KAT2A: variants seen among roughly 807,000 people sequenced by gnomAD.
KAT2A encodes the protein histone acetyltransferase KAT2A.
A neutral mutation model predicts 95.2 loss-of-function variants in KAT2A; 42 were observed. That is an observed-to-expected ratio of 0.44 (90% CI 0.34 to 0.57). The LOEUF is 0.57. Among genes scored for constraint, KAT2A ranks in the 20% least tolerant of loss-of-function variants. The pLI, the probability that KAT2A is intolerant of heterozygous loss-of-function variation, is 0.01. For synonymous variants in KAT2A, 449 were observed against 448.2 expected, an observed-to-expected ratio of 1.00 and a Z score of -0.02; for missense variants, 784 against 1,126.3, an observed-to-expected ratio of 0.70 and a Z score of 4.35.
rs1444001767 is a variant in KAT2A, at chr17:42,114,312, C to T, written c.2172-30G>A. 7 of 1,613,650 alleles carry T rather than the reference C, an allele frequency of 4.3e-6. No homozygotes were observed. Among genetic ancestry groups the T allele is most frequent in the Non-Finnish European group, 5.9e-6 (7 of 1,179,720 alleles). On this transcript the variant is annotated intron_variant, in intron 15 of 17. Transcript: ENST00000225916. This position sits in a 1 kb window ranked among gnomAD's most constrained non-coding sequence, Gnocchi z 6.0. Reference sequence around the variant, plus strand: ...GGCGAGAGACACCAAGTCTGAGGCTCCAAGTCCCTCTGCCCCACCCCCAAC... The same window carrying T: ...GGCGAGAGACACCAAGTCTGAGGCTTCAAGTCCCTCTGCCCCACCCCCAAC...
chr17:42,119,282 G>C lies in KAT2A; in HGVS notation c.1036C>G (p.Pro346Ala). Residue 346 changes from proline to alanine, a missense_variant, in exon 6 of 18, where the codon CCC (proline) becomes GCC (alanine). By Grantham distance (27) the Pro-to-Ala change is conservative (BLOSUM62 -1). This residue lies in a region of KAT2A where 208 missense variants were observed against 339.7 expected (regional missense o/e 0.61). Transcript: ENST00000225916. The surrounding 1 kb of genome is among the most constrained non-coding windows in gnomAD (Gnocchi z 5.3). ...KFRVEKDKLV[P>A]EKRTLILTHF... ...GTGAGGATGAGGGTCCTCTTCTCGG[G>C]CACCAATTTGTCCTTCTCCACTCGG... The C allele has an allele frequency of 6.2e-7, 1 of 1,613,576 alleles. No homozygotes were observed. Among genetic ancestry groups the C allele is most frequent in the Non-Finnish European group, 8.5e-7 (1 of 1,179,594 alleles).
rs781791194 is a variant in KAT2A at position 42,121,355 on chromosome 17, A to T, written c.-51T>A. ...GCCGCGCTCCCAGCCCTAGGGCCGC[A>T]TGGGCAACCAGCGCTCAGTGCGCAG... On this transcript the variant is annotated 5_prime_UTR_variant, in exon 1 of 18. An upstream start codon of the reference 5' UTR is lost. Coordinates refer to ENST00000225916, the MANE Select transcript of KAT2A (RefSeq NM_021078.3). 3.7e-6 allele frequency: 5 copies of T among 1,348,932 alleles called. No individual in the cohort carries two copies. Among genetic ancestry groups the T allele is most frequent in the Admixed American group, 3.8e-5 (1 of 26,346 alleles). The allele number at this position is 1,348,932 out of a possible 1,614,324, so 83.6% of individuals were successfully genotyped here.
In KAT2A at chr17:42,117,291, G is replaced by A. The variant is rs1255341005; in HGVS notation, c.1637+97C>T. The A allele has an allele frequency of 1.3e-5, 20 of 1,541,764 alleles. No homozygotes were observed. The highest frequency in any genetic ancestry group is 1.7e-5 in the Non-Finnish European group (19 of 1,123,698). On this transcript the variant is annotated intron_variant, in intron 10 of 17. Transcript: ENST00000225916. The surrounding 1 kb of genome is among the most constrained non-coding windows in gnomAD (Gnocchi z 8.9). ...TGCTCAAAGGATGAACCTCAGAAGT[G>A]GGGAGCAGGGGATCCCCAATTTTGA...
intron 2 of KAT2A, 29 bp from the exon 3 acceptor site, chr17:42,120,399 A>G (rs781806460): frequency 1.2e-6 from 2 of 1,612,326 alleles, no homozygotes; most frequent in Admixed American, 3.3e-5. Flanking sequence ...AGTTAGGAAA[A>G]ATTGATAGAA....
At position 42,117,236 on chromosome 17, in the gene KAT2A, T is replaced by C. The variant is rs2054271961; in HGVS notation, c.1638-75A>G. 6.3e-7 allele frequency: 1 copy of C among 1,591,868 alleles called. No individual in the cohort carries two copies. The highest frequency in any genetic ancestry group is 1.7e-4 in the Middle Eastern group (1 of 5,996). Reference sequence around the variant, plus strand: ...CCCAGAGCCCTGGAAGTCTGAGCTGTAGTCAGGGTTGGGCAGTGAGAAGTA... The same window carrying C: ...CCCAGAGCCCTGGAAGTCTGAGCTGCAGTCAGGGTTGGGCAGTGAGAAGTA... On this transcript the variant is annotated intron_variant, in intron 10 of 17. Transcript: ENST00000225916. This position sits in a 1 kb window ranked among gnomAD's most constrained non-coding sequence, Gnocchi z 8.9.
intron 6 of KAT2A, 54 bp from the exon 7 acceptor site, chr17:42,118,457 GGCC>G: frequency 7.6e-7 from 1 of 1,313,388 alleles, no homozygotes. Context: ...GTGCAGCCTG[GGCC>G]AGGCAGCAGA....
Position 42,113,801 on chromosome 17 carries a change from C to T in KAT2A, c.2362G>A (p.Val788Met). ...MTERLRSRYY[V>M]TRKLFVADLQ... Reference sequence around the variant, plus strand: ...TCGGCCACAAAGAGCTTCCGGGTCACGTAGTAGCGGCTTCGCAGCCGCTCA... The same window carrying T: ...TCGGCCACAAAGAGCTTCCGGGTCATGTAGTAGCGGCTTCGCAGCCGCTCA... The change falls in exon 18 of 18, where the codon GTG (valine) becomes ATG (methionine). Residue 788 changes from valine (V) to methionine (M), a missense_variant. Val to Met is a conservative substitution (Grantham distance 21, BLOSUM62 1). This residue lies in a region of KAT2A where 195 missense variants were observed against 247.1 expected (regional missense o/e 0.79). Coordinates refer to ENST00000225916, the MANE Select transcript of KAT2A (RefSeq NM_021078.3). 5.0e-6 allele frequency: 8 copies of T among 1,603,300 alleles called. No homozygotes were observed. The highest frequency in any genetic ancestry group is 1.1e-5 in the South Asian group (1 of 90,054).
At chr17:42,116,250 G>C (rs1195737270) in intron 11 of KAT2A, among the ~76,000 whole-genome samples, 3 of 152,198 alleles carry the variant, frequency 2.0e-5, no homozygotes, top group Non-Finnish European at 4.4e-5. Context: ...TGGGAGAAGC[G>C]GGAGAGGGAG....
chr17:42,121,132 G>A lies in KAT2A; in HGVS notation c.173C>T (p.Thr58Ile). Residue 58 changes from threonine (T) to isoleucine (I), a missense_variant, in exon 1 of 18, where the codon ACA (threonine) becomes ATA (isoleucine). By Grantham distance (89) the Thr-to-Ile change is moderately conservative. This residue lies in a region of KAT2A where 142 missense variants were observed against 123.2 expected (regional missense o/e 1.15). Coordinates refer to ENST00000225916, the MANE Select transcript of KAT2A (RefSeq NM_021078.3). ...TCCTACCCCGGGCCCCCCAGTCCCTGTGCTGCCGGCTGGGGCTGCAGCTGG... is the reference window on the plus strand; with the variant it reads ...TCCTACCCCGGGCCCCCCAGTCCCTATGCTGCCGGCTGGGGCTGCAGCTGG... ...PAPAAAPAGS[T>I]GTGGPGVGSG... is the part of the protein sequence containing the mutation. The A allele has an allele frequency of 6.7e-7, 1 of 1,497,160 alleles. No homozygotes were observed. Among genetic ancestry groups the A allele is most frequent in the East Asian group, 2.5e-5 (1 of 40,516 alleles). 92.7% of individuals were successfully genotyped at this position (1,497,160 alleles called of 1,614,324 possible). A position where few individuals can be genotyped will look rare whatever the true frequency, so the allele number is the denominator to read the frequency against.
At position 42,119,250 on chromosome 17, in the gene KAT2A, G is replaced by A. The variant is rs1555666764; in HGVS notation, c.1068C>T (p.Phe356=). 1 of 1,603,226 alleles carries A rather than the reference G, an allele frequency of 6.2e-7. No homozygotes were observed. Among genetic ancestry groups the A allele is most frequent in the Non-Finnish European group, 8.5e-7 (1 of 1,172,136 alleles). ...TAGGCCAGAAGGAGCCTTACTTGGG[G>A]AAGTGAGTGAGGATGAGGGTCCTCT... The part of the protein sequence containing the change: ...PEKRTLILTH[F]PKFLSMLEEE... Residue 356 remains phenylalanine, a synonymous_variant, in exon 6 of 18, where the codon TTC becomes TTT. Transcript: ENST00000225916. This position sits in a 1 kb window ranked among gnomAD's most constrained non-coding sequence, Gnocchi z 5.3.
chr17:42,114,605 CTGAGGGAAGGAAGGG>C lies in KAT2A; in HGVS notation c.2020-16_2020-2del. 1 of 1,612,800 alleles carries C rather than the reference CTGAGGGAAGGAAGGG, an allele frequency of 6.2e-7. No homozygotes were observed. Among genetic ancestry groups the C allele is most frequent in the Non-Finnish European group, 8.5e-7 (1 of 1,179,456 alleles). On this transcript the variant is annotated splice_acceptor_variant and splice_polypyrimidine_tract_variant and intron_variant, in intron 13 of 17. Transcript: ENST00000225916. LOFTEE classifies it high-confidence loss of function. This position sits in a 1 kb window ranked among gnomAD's most constrained non-coding sequence, Gnocchi z 6.0. ...TGCGCTCAATCAGCTTCTTGATGAT[CTGAGGGAAGGAAGGG>C]ACTGAGGGGCCAACTCCAGCCCCAA...
Position 42,120,023 on chromosome 17 carries a change from A to G in KAT2A, c.699+7T>C. 6.2e-7 allele frequency: 1 copy of G among 1,610,396 alleles called. No homozygotes were observed. Among genetic ancestry groups the G allele is most frequent in the Non-Finnish European group, 8.5e-7 (1 of 1,177,036 alleles). On this transcript the variant is annotated splice_region_variant and intron_variant, in intron 4 of 17. Coordinates refer to ENST00000225916, the MANE Select transcript of KAT2A (RefSeq NM_021078.3). ...CCTATCCGCTATCTCCAATTCCCCT[A>G]TCTCACCTGCTCAATATTAGGTTTC...
Position 42,114,108 on chromosome 17 carries a change from G to A in KAT2A, c.2236-24C>T, listed in dbSNP as rs782210352. The A allele has an allele frequency of 1.9e-6, 3 of 1,559,388 alleles. No individual in the cohort carries two copies. The highest frequency in any genetic ancestry group is 4.4e-5 in the Admixed American group (2 of 45,284). ...GACTGGAGAGAAGAGCCGGGCTGGG[G>A]ACAGCCCTGCTGCGCCCACGCCAGC... On this transcript the variant is annotated intron_variant, in intron 16 of 17. Transcript: ENST00000225916. This position sits in a 1 kb window ranked among gnomAD's most constrained non-coding sequence, Gnocchi z 6.0.
At chr17:42,120,497 A>G (rs2054320689) in intron 2 of KAT2A, 127 bp from the exon 3 acceptor site, 3 of 1,244,708 alleles carry the variant, frequency 2.4e-6, no homozygotes, top group African/African-American at 3.0e-5. Context: ...AGTGAGACTG[A>G]CTGCTCCGAT....
At position 42,117,864 on chromosome 17, in the gene KAT2A, G is replaced by T; in HGVS notation, c.1291+43C>A. On this transcript the variant is annotated intron_variant, in intron 8 of 17. Transcript: ENST00000225916. This position sits in a 1 kb window ranked among gnomAD's most constrained non-coding sequence, Gnocchi z 8.9. ...CTCAGGATCAGTAAAAAAGGTTTGGGAAGGAGTGAATGAGGGTCAGAGGTC... is the reference window on the plus strand; with the variant it reads ...CTCAGGATCAGTAAAAAAGGTTTGGTAAGGAGTGAATGAGGGTCAGAGGTC... 3 of 1,607,404 alleles carry T rather than the reference G, an allele frequency of 1.9e-6. No homozygotes were observed. The highest frequency in any genetic ancestry group is 2.6e-6 in the Non-Finnish European group (3 of 1,175,228).
At chr17:42,120,498 C>A in intron 2 of KAT2A, 128 bp from the exon 3 acceptor site, 1 of 1,244,450 alleles carries the variant, frequency 8.0e-7, no homozygotes, top group Non-Finnish European at 1.2e-6. Context: ...GTGAGACTGA[C>A]TGCTCCGATA....
At position 42,121,341 on chromosome 17, in the gene KAT2A, A is replaced by G. The variant is rs564279311; in HGVS notation, c.-37T>C. 8 of 1,365,002 alleles carry G rather than the reference A, an allele frequency of 5.9e-6. No homozygotes were observed. Among genetic ancestry groups the G allele is most frequent in the African/African-American group, 3.1e-5 (2 of 65,450 alleles). 84.6% of individuals were successfully genotyped at this position (1,365,002 alleles called of 1,614,324 possible). On this transcript the variant is annotated 5_prime_UTR_variant, in exon 1 of 18. Transcript: ENST00000225916. ...CAGCGGAGAGCGGCGCCGCGCTCCC[A>G]GCCCTAGGGCCGCATGGGCAACCAG... is the stretch of plus-strand genomic sequence containing the variant.
Position 42,121,273 on chromosome 17 carries a change from G to A in KAT2A, c.32C>T (p.Ala11Val). MAEPSQAPTPAPAAQPRPLQS... is the reference protein window; with the variant it reads MAEPSQAPTPVPAAQPRPLQS... Reference sequence around the variant, plus strand: ...AAGGGGCCGGGGCTGCGCAGCCGGGGCCGGGGTCGGGGCCTGGGAAGGTTC... The same window carrying A: ...AAGGGGCCGGGGCTGCGCAGCCGGGACCGGGGTCGGGGCCTGGGAAGGTTC... Residue 11 changes from alanine to valine, a missense_variant, in exon 1 of 18, where the codon GCC (alanine) becomes GTC (valine). Around this residue, in one of 6 missense-constraint regions of KAT2A, gnomAD observed 142 missense variants for 123.2 expected, o/e 1.15. Transcript: ENST00000225916. 7.3e-7 allele frequency: 1 copy of A among 1,372,296 alleles called. No homozygotes were observed. Among genetic ancestry groups the A allele is most frequent in the Non-Finnish European group, 9.4e-7 (1 of 1,067,516 alleles). The allele number at this position is 1,372,296 out of a possible 1,614,324, so 85.0% of individuals were successfully genotyped here. A position where few individuals can be genotyped will look rare whatever the true frequency, so the allele number is the denominator to read the frequency against.
At chr17:42,118,162 C>G (rs1332118562) in intron 7 of KAT2A, 135 bp downstream of exon 7, 2 of 791,722 alleles carry the variant, frequency 2.5e-6, no homozygotes, top group Non-Finnish European at 2.1e-6. Context: ...AAGGCAGGGA[C>G]TGGGGGGGCT....
Sources: allele counts gnomAD v4.1 joint callset (sites outside exome capture counted in the v4.1 genomes callset), GRCh38; gene constraint gnomAD v4.1.1; regional missense constraint gnomAD v4.1.1; non-coding constraint Gnocchi (gnomAD v3.1); transcripts MANE v1.5; gene names NCBI Gene and HGNC (gene_info 2026-07-23, HGNC 2026-07-21).